The following CDH12 variants were observed in gnomAD, a reference collection of about 807,000 sequenced individuals.
CDH12 encodes cadherin-12.
In CDH12, 41 loss-of-function variants were observed where a neutral mutation model predicts 74.1. The observed-to-expected ratio is 0.55, with a 90% CI of 0.43 to 0.72. CDH12 has a LOEUF of 0.72. CDH12 is among the 30% of genes least tolerant of loss of function. The pLI is 0.00. For synonymous variants in CDH12, 399 were observed against 355.0 expected, an observed-to-expected ratio of 1.12 and a Z score of -1.39; for missense variants, 945 against 977.2, an observed-to-expected ratio of 0.97 and a Z score of 0.44.
intron 2 of CDH12, among the ~76,000 whole-genome samples, chr5:22,429,490 T>G (rs1255558013): frequency 6.6e-6 from 1 of 152,066 alleles, no homozygotes; most frequent in Admixed American, 6.6e-5. Context: ...AGGGAAAAAT[T>G]TCTTTTAAAA....
At chr5:22,641,392 T>C (rs1739143161) in intron 1 of CDH12, among the ~76,000 whole-genome samples, 1 of 152,146 alleles carries the variant, frequency 6.6e-6, no homozygotes, top group African/African-American at 2.4e-5. Context: ...TCACATTTTC[T>C]CTGCCTTTTT....
At chr5:22,372,580 C>T (rs7714456) in intron 3 of CDH12, among the ~76,000 whole-genome samples, 45,670 of 151,964 alleles carry the variant, frequency 0.3, 6,867 homozygotes, top group East Asian at 0.34. Context: ...GTTGAGCCCC[C>T]GAAGGACTGC....
chr5:22,217,468 A>G (rs1005499210), intron 3 of CDH12, among the ~76,000 whole-genome samples: 1 of 151,782 alleles, frequency 6.6e-6, no homozygotes, highest in Admixed American at 6.6e-5. Flanking sequence ...TTAAAATAAC[A>G]AAAAAGCAGA....
intron 1 of CDH12, among the ~76,000 whole-genome samples, chr5:22,668,480 C>T (rs1218602701): frequency 6.6e-6 from 1 of 152,100 alleles, no homozygotes; most frequent in Non-Finnish European, 1.5e-5. Context: ...ATTATGGAGG[C>T]TGAGAAGTCC....
intron 2 of CDH12, among the ~76,000 whole-genome samples, chr5:22,434,935 T>A (rs1164059630): frequency 6.6e-6 from 1 of 152,174 alleles, no homozygotes; most frequent in Non-Finnish European, 1.5e-5. Context: ...CTCAACTTAC[T>A]ACATCTTGCT....
At chr5:21,851,156 A>G (rs1030768322) in intron 7 of CDH12, among the ~76,000 whole-genome samples, 33 of 150,488 alleles carry the variant, frequency 2.2e-4, no homozygotes, top group South Asian at 8.3e-4. Flanking sequence ...AGAATACAGC[A>G]TATCATTACC....
At chr5:22,249,718 G>T (rs781059003) in intron 3 of CDH12, among the ~76,000 whole-genome samples, 5 of 152,096 alleles carry the variant, frequency 3.3e-5, no homozygotes, top group Non-Finnish European at 7.4e-5. Flanking sequence ...TGTTATGATC[G>T]TCTCATGTTT....
intron 1 of CDH12, among the ~76,000 whole-genome samples, chr5:22,668,245 A>G (rs1371900036): frequency 6.6e-6 from 1 of 152,190 alleles, no homozygotes; most frequent in African/African-American, 2.4e-5. Context: ...CATTGAAGAA[A>G]CAATGTCCAC....
chr5:21,824,625 G>A (rs1748558175), intron 8 of CDH12, among the ~76,000 whole-genome samples: 1 of 152,026 alleles, frequency 6.6e-6, no homozygotes, highest in Non-Finnish European at 1.5e-5. Flanking sequence ...ACTTTCCTCA[G>A]CATGAGACGC....
chr5:22,661,114 C>T (rs1354403022), intron 1 of CDH12, among the ~76,000 whole-genome samples: 2 of 152,086 alleles, frequency 1.3e-5, no homozygotes, highest in Non-Finnish European at 1.5e-5. Context: ...TTAGAGGAAG[C>T]AAAGAAACCT....
chr5:22,598,262 C>T (rs1440249094), intron 1 of CDH12, among the ~76,000 whole-genome samples: 2 of 152,122 alleles, frequency 1.3e-5, no homozygotes, highest in African/African-American at 2.4e-5. Flanking sequence ...TAGGCTGTGT[C>T]CTTACCCAAA....
At chr5:21,776,356 T>C (rs1345629389) in intron 11 of CDH12, among the ~76,000 whole-genome samples, 1 of 152,192 alleles carries the variant, frequency 6.6e-6, no homozygotes, top group Non-Finnish European at 1.5e-5. Context: ...TGTAAAATAA[T>C]ACATGTTGTT....
chr5:22,692,379 C>A, intron 1 of CDH12, among the ~76,000 whole-genome samples: 1 of 152,212 alleles, frequency 6.6e-6, no homozygotes, highest in East Asian at 1.9e-4. Flanking sequence ...GGCATTTCAA[C>A]TACATGCCTC....
intron 1 of CDH12, among the ~76,000 whole-genome samples, chr5:22,741,055 G>C (rs1271908083): frequency 1.3e-5 from 2 of 152,086 alleles, no homozygotes; most frequent in Admixed American, 6.5e-5. Flanking sequence ...TTTAGAAAAT[G>C]ATTCACACTG....
chr5:22,366,316 G>T (rs996937091), intron 3 of CDH12, among the ~76,000 whole-genome samples: 4 of 151,588 alleles, frequency 2.6e-5, no homozygotes, highest in Non-Finnish European at 5.9e-5. Context: ...ATGTGAGCTA[G>T]TTCCCCAAAT....
intron 2 of CDH12, among the ~76,000 whole-genome samples, chr5:22,433,317 G>A (rs1473992361): frequency 6.6e-6 from 1 of 152,142 alleles, no homozygotes; most frequent in East Asian, 1.9e-4. Flanking sequence ...ACAATTGGCT[G>A]ATTAACAGAA....
intron 3 of CDH12, among the ~76,000 whole-genome samples, chr5:22,384,343 T>C (rs1741899041): frequency 6.7e-6 from 1 of 150,232 alleles, no homozygotes; most frequent in South Asian, 2.1e-4. Flanking sequence ...GCTAACACGG[T>C]GAAACCCCGT....
intron 1 of CDH12, among the ~76,000 whole-genome samples, chr5:22,766,634 A>G (rs544562421): frequency 6.6e-6 from 1 of 152,010 alleles, no homozygotes; most frequent in East Asian, 1.9e-4. Context: ...GGCCCTTCCA[A>G]CTCCTGTGGG....
intron 10 of CDH12, among the ~76,000 whole-genome samples, chr5:21,795,411 C>T (rs923854545): frequency 2.0e-5 from 3 of 151,740 alleles, no homozygotes; most frequent in African/African-American, 7.3e-5. Context: ...TAATACTTAG[C>T]TGAAATTAGT....
Sources: gnomAD v4.1 joint callset for allele counts (sites outside exome capture counted in the v4.1 genomes callset) on GRCh38, gnomAD v4.1.1 for gene constraint, MANE v1.5 for transcripts, NCBI Gene and HGNC (gene_info 2026-07-23, HGNC 2026-07-21) for gene names.